OPCML: variants seen among roughly 807,000 people sequenced by gnomAD.
The protein encoded by OPCML is opioid-binding protein/cell adhesion molecule.
In OPCML, 13 loss-of-function variants were observed where a neutral mutation model predicts 37.8. The ratio of observed to expected loss-of-function variants is 0.34; its 90% CI spans 0.22 to 0.55. The LOEUF is 0.55. Among genes scored for constraint, OPCML ranks in the 20% least tolerant of loss-of-function variants. The pLI is 0.91. For synonymous variants in OPCML, 176 were observed against 168.8 expected, an observed-to-expected ratio of 1.04 and a Z score of -0.33; for missense variants, 341 against 435.6, an observed-to-expected ratio of 0.78 and a Z score of 1.93.
chr11:132,499,096 G>A (rs612907), intron 4 of OPCML, among the ~76,000 whole-genome samples: 115,455 of 152,178 alleles, frequency 0.76, 43,911 homozygotes, highest in East Asian at 0.88. Flanking sequence ...AAGTAGATCC[G>A]GGCTAGTCAG....
intron 2 of OPCML, among the ~76,000 whole-genome samples, chr11:132,717,573 T>C (rs1228367700): frequency 6.6e-6 from 1 of 152,212 alleles, no homozygotes; most frequent in African/African-American, 2.4e-5. Flanking sequence ...TAGAAATGTT[T>C]GGTTTCTTCT....
rs536527331 is a variant in OPCML, at chr11:132,500,642, G to A, written c.505+28419C>T. Among the ~76,000 whole-genome samples the A allele has an allele frequency of 9.2e-5, 14 of 152,236 alleles. 1 individual carries two copies. The South Asian group carries it at 2.9e-3, about 32-fold the overall frequency. ...TGTTACATAGGTGTACATGTGCCATGGTGGTTTGCTGCACCTATCAACCCA... is the reference window on the plus strand; with the variant it reads ...TGTTACATAGGTGTACATGTGCCATAGTGGTTTGCTGCACCTATCAACCCA... On this transcript the variant is annotated intron_variant, in intron 4 of 7. Transcript: ENST00000524381.
rs1242140649 is a variant in OPCML, at chr11:132,942,898, C to CGG, written c.146+26_146+27dup. The CGG allele has an allele frequency of 1.1e-5, 17 of 1,612,990 alleles. No homozygotes were observed. In the East Asian group the frequency reaches 3.3e-4, roughly 32 times the overall value. On this transcript the variant is annotated intron_variant, in intron 2 of 7. Coordinates refer to ENST00000524381, the MANE Select transcript of OPCML (RefSeq NM_001012393.5). ...CCCCAGCGACCACAGCCCAGGGGCT[C>CGG]GGCCCCCGCGGAAGGACAGCTCCCT... is the stretch of plus-strand genomic sequence containing the variant.
chr11:132,608,493 C>T (rs1938443015), intron 3 of OPCML, among the ~76,000 whole-genome samples: 2 of 152,144 alleles, frequency 1.3e-5, no homozygotes, highest in Admixed American at 1.3e-4. Flanking sequence ...TTCAGTAAAG[C>T]CCAAGTAATA....
chr11:133,492,638 C>A (rs1591560812), intron 1 of OPCML, among the ~76,000 whole-genome samples: 1 of 141,806 alleles, frequency 7.1e-6, no homozygotes, highest in Non-Finnish European at 1.5e-5. Context: ...GCCCAACGAT[C>A]AAAGGGGAAA....
rs977881000 is a variant in OPCML, at chr11:133,421,801, A to T, written c.61+110463T>A. 5.8e-5 allele frequency: 57 copies of T among 984,044 alleles called. No homozygotes were observed. The African/African-American group carries it at 8.6e-4, about 15-fold the overall frequency. The allele number at this position is 984,044 out of a possible 1,614,324, so 61.0% of individuals were successfully genotyped here. On this transcript the variant is annotated intron_variant, in intron 1 of 7. Coordinates refer to ENST00000524381, the MANE Select transcript of OPCML (RefSeq NM_001012393.5). ...GATATCAATTGCTTTCGAGTCTTCC[A>T]GCTGAGTCCTCAGGCACCACAGAGC... is the stretch of plus-strand genomic sequence containing the variant.
chr11:132,780,188 T>C (rs1222121169), intron 2 of OPCML, among the ~76,000 whole-genome samples: 1 of 152,214 alleles, frequency 6.6e-6, no homozygotes. Flanking sequence ...CTCCTGACCC[T>C]CTGTACTGGA....
intron 2 of OPCML, among the ~76,000 whole-genome samples, chr11:132,710,689 A>T (rs1184088160): frequency 4.8e-5 from 1 of 20,634 alleles, no homozygotes; most frequent in African/African-American, 4.5e-4. Context: ...TAAAAAATAC[A>T]AAAAAAAAAA....
chr11:132,535,669 C>A (rs149599591), intron 3 of OPCML, among the ~76,000 whole-genome samples: 1 of 152,154 alleles, frequency 6.6e-6, no homozygotes, highest in Non-Finnish European at 1.5e-5. Context: ...CAGGGCCAGA[C>A]CCAGTGAGAG....
chr11:133,148,105 T>G (rs983243001), intron 1 of OPCML, among the ~76,000 whole-genome samples: 4 of 152,228 alleles, frequency 2.6e-5, no homozygotes, highest in East Asian at 3.9e-4. Flanking sequence ...CAGGAGAAAA[T>G]TAAGTGGATT....
At chr11:133,527,407 T>C (rs1948511518) in intron 1 of OPCML, among the ~76,000 whole-genome samples, 1 of 152,236 alleles carries the variant, frequency 6.6e-6, no homozygotes, top group Non-Finnish European at 1.5e-5. Flanking sequence ...TTAATGATTT[T>C]TGAGGCAGGA....
chr11:133,342,788 A>G (rs1423989553), intron 1 of OPCML, among the ~76,000 whole-genome samples: 1 of 152,142 alleles, frequency 6.6e-6, no homozygotes, highest in Non-Finnish European at 1.5e-5. Context: ...TGGGACATAG[A>G]GGGAGCAAGA....
rs1943747690 is a variant in OPCML at position 133,336,522 on chromosome 11, T to C, written c.61+195742A>G. The stretch of plus-strand genomic sequence containing the variant: ...AGTAGCATTGCTTTTAAGATGGAAG[T>C]CAATATAGAATCCCTTTTATAGGAT... On this transcript the variant is annotated intron_variant, in intron 1 of 7. Transcript: ENST00000524381. Among the ~76,000 whole-genome samples, 2 of 152,196 alleles carry C rather than the reference T, an allele frequency of 1.3e-5. 1 individual carries two copies. The highest frequency in any genetic ancestry group is 1.3e-4 in the Admixed American group (2 of 15,278).
chr11:132,830,403 G>C (rs1436693760), intron 2 of OPCML, among the ~76,000 whole-genome samples: 1 of 152,164 alleles, frequency 6.6e-6, no homozygotes, highest in East Asian at 1.9e-4. Flanking sequence ...TGTAAGGTTA[G>C]GACTGGCAGA....
At chr11:133,522,852 A>G (rs73029122) in intron 1 of OPCML, among the ~76,000 whole-genome samples, 5,105 of 152,270 alleles carry the variant, frequency 0.034, 91 homozygotes, top group South Asian at 0.09. Flanking sequence ...AGGACCTTTC[A>G]CTTTTTAAAT....
chr11:133,421,785 TG>T, intron 1 of OPCML: 1 of 985,336 alleles, frequency 1.0e-6, no homozygotes, highest in South Asian at 4.7e-5. Flanking sequence ...GGATATCAAT[TG>T]CTTTCGAGTC....
intron 3 of OPCML, among the ~76,000 whole-genome samples, chr11:132,571,675 G>T (rs12796558): frequency 6.6e-6 from 1 of 151,928 alleles, no homozygotes; most frequent in Non-Finnish European, 1.5e-5. Flanking sequence ...TCATCCATCA[G>T]TGGGTGTTTA....
chr11:132,898,845 C>T (rs533583422), intron 2 of OPCML, among the ~76,000 whole-genome samples: 1 of 151,626 alleles, frequency 6.6e-6, no homozygotes, highest in Non-Finnish European at 1.5e-5. Flanking sequence ...ACTGCCCCCC[C>T]CACCCCCGCA....
intron 3 of OPCML, among the ~76,000 whole-genome samples, chr11:132,643,081 A>C (rs1003436694): frequency 6.6e-6 from 1 of 152,092 alleles, no homozygotes; most frequent in Non-Finnish European, 1.5e-5. Context: ...CCACGTGGGA[A>C]TATTTTAAAA....
Sources: allele counts gnomAD v4.1 joint callset (sites outside exome capture counted in the v4.1 genomes callset), GRCh38; gene constraint gnomAD v4.1.1; transcripts MANE v1.5; gene names NCBI Gene and HGNC (gene_info 2026-07-23, HGNC 2026-07-21).